Variants in ZNF675 observed in about 807,000 individuals in gnomAD.
ZNF675 encodes the protein zinc finger protein 675.
In ZNF675, 36 loss-of-function variants were observed where a neutral mutation model predicts 56.1. The ratio of observed to expected loss-of-function variants is 0.64; its 90% CI spans 0.49 to 0.85. ZNF675 has a LOEUF of 0.85. ZNF675 is among the 40% of genes least tolerant of loss of function. The pLI is 0.00. For missense variants in ZNF675, 663 were observed against 654.2 expected (o/e 1.01, Z -0.15); for synonymous variants, 200 against 218.9 (o/e 0.91, Z 0.76).
intron 1 of ZNF675, among the ~76,000 whole-genome samples, chr19:23,683,302 G>A (rs959497329): frequency 1.3e-5 from 2 of 151,654 alleles, no homozygotes; most frequent in Non-Finnish European, 2.9e-5. Flanking sequence ...CAAGATCATA[G>A]GATATAGAAC....
chr19:23,684,420 G>C (rs185952818), intron 1 of ZNF675, among the ~76,000 whole-genome samples: 2,744 of 152,140 alleles, frequency 0.018, 84 homozygotes, highest in African/African-American at 0.063. Flanking sequence ...CAAGAGGGGC[G>C]GATCACCTGA....
intron 3 of ZNF675, chr19:23,658,806 TAG>T (rs368515992): frequency 7.0e-6 from 1 of 142,836 alleles, no homozygotes; most frequent in Non-Finnish European, 1.5e-5. Flanking sequence ...TAGATATCTA[TAG>T]AGATATAGAT....
chr19:23,663,789 T>A (rs1224728761), intron 1 of ZNF675, among the ~76,000 whole-genome samples: 1 of 152,220 alleles, frequency 6.6e-6, no homozygotes, highest in African/African-American at 2.4e-5. Context: ...TTCTGTGTAA[T>A]AAATGCTATC....
chr19:23,658,900 T>TCTATAGATATAG (rs1568289191), intron 3 of ZNF675, among the ~76,000 whole-genome samples: 6,137 of 24,052 alleles, frequency 0.26, 762 homozygotes, highest in Middle Eastern at 0.61. Context: ...GATCTATAGA[T>TCTATAGATATAG]ATCTATAGAT....
At chr19:23,654,823 A>G in intron 3 of ZNF675, 117 bp from the exon 4 acceptor site, 2 of 766,660 alleles carry the variant, frequency 2.6e-6, no homozygotes, top group Non-Finnish European at 3.9e-6. Context: ...GCCATAATTA[A>G]GTGTATGTGT....
chr19:23,670,720 T>TA (rs1200582899), intron 1 of ZNF675, among the ~76,000 whole-genome samples: 1 of 152,146 alleles, frequency 6.6e-6, no homozygotes, highest in Non-Finnish European at 1.5e-5. Flanking sequence ...ATATAACTGA[T>TA]ACGCAACAAT....
chr19:23,658,962 TAG>T (rs1335011712), intron 3 of ZNF675, among the ~76,000 whole-genome samples: 29 of 616 alleles, frequency 0.047, no homozygotes, highest in Non-Finnish European at 0.12. Context: ...TAGAGATCTA[TAG>T]ATAGATATAG....
chr19:23,679,995 C>A (rs1354264689), intron 1 of ZNF675, among the ~76,000 whole-genome samples: 3 of 147,880 alleles, frequency 2.0e-5, no homozygotes, highest in Non-Finnish European at 4.5e-5. Context: ...CGTACCCCCC[C>A]CCAAAAAAAA....
chr19:23,685,121 C>T (rs1415556499), intron 1 of ZNF675, among the ~76,000 whole-genome samples: 2 of 152,102 alleles, frequency 1.3e-5, no homozygotes, highest in African/African-American at 4.8e-5. Context: ...GCCACCACCA[C>T]GCCCAGCTAA....
chr19:23,653,698 G>C lies in ZNF675; in HGVS notation c.1235C>G (p.Thr412Ser). 4 of 1,613,758 alleles carry C rather than the reference G, an allele frequency of 2.5e-6. No homozygotes were observed. The highest frequency in any genetic ancestry group is 3.4e-6 in the Non-Finnish European group (4 of 1,179,976). The change falls in exon 4 of 4, where the codon ACT becomes AGT. Residue 412 changes from threonine to serine, a missense_variant. Thr to Ser is a moderately conservative substitution (Grantham distance 58, BLOSUM62 1). This residue lies in a region of ZNF675 where 617 missense variants were observed against 590.5 expected (regional missense o/e 1.04). Coordinates refer to ENST00000359788, the MANE Select transcript of ZNF675 (RefSeq NM_138330.3). Reference protein sequence around the residue: ...GKAFKHSSALTTHKRIHTGEK... With the variant: ...GKAFKHSSALSTHKRIHTGEK... Reference sequence around the variant, plus strand: ...TCCAGTGTGAATTCTCTTATGTGTAGTAAGGGCTGAGGAGTGTTTAAAAGC... The same window carrying C: ...TCCAGTGTGAATTCTCTTATGTGTACTAAGGGCTGAGGAGTGTTTAAAAGC...
chr19:23,662,889 C>G (rs1968098366), intron 2 of ZNF675, 143 bp downstream of exon 2: 2 of 631,358 alleles, frequency 3.2e-6, no homozygotes, highest in Middle Eastern at 3.6e-4. Context: ...AAGGCTGAGG[C>G]ACGAGAATTG....
chr19:23,681,996 C>T lies in ZNF675; in HGVS notation c.3+5035G>A, dbSNP rs1001101124. ...AAAAATAGTTTTTCAAAAGAAATAC[C>T]CTCTTATTATGACTTAGATGGTGCT... On this transcript the variant is annotated intron_variant, in intron 1 of 3. Transcript: ENST00000359788. Among the ~76,000 whole-genome samples, 17 of 130,098 alleles carry T rather than the reference C, an allele frequency of 1.3e-4. 1 individual carries two copies. The highest frequency in any genetic ancestry group is 5.9e-4 in the Admixed American group (7 of 11,902). 85.3% of individuals were successfully genotyped at this position (130,098 alleles called of 152,430 possible).
intron 1 of ZNF675, among the ~76,000 whole-genome samples, chr19:23,672,632 T>G (rs1968241346): frequency 6.6e-6 from 1 of 152,234 alleles, no homozygotes; most frequent in African/African-American, 2.4e-5. Context: ...TCTGCATTCC[T>G]GTGTGTCACA....
At chr19:23,685,819 G>C (rs1161599309) in intron 1 of ZNF675, among the ~76,000 whole-genome samples, 1 of 152,142 alleles carries the variant, frequency 6.6e-6, no homozygotes, top group Non-Finnish European at 1.5e-5. Context: ...GTATTTTACT[G>C]CAAGTCATAG....
At chr19:23,671,417 T>G (rs1274626451) in intron 1 of ZNF675, among the ~76,000 whole-genome samples, 1 of 152,170 alleles carries the variant, frequency 6.6e-6, no homozygotes, top group African/African-American at 2.4e-5. Context: ...AAGGAAAATC[T>G]GAAGGGCCAT....
At chr19:23,658,971 A>C (rs1287996804) in intron 3 of ZNF675, among the ~76,000 whole-genome samples, 5 of 132,222 alleles carry the variant, frequency 3.8e-5, no homozygotes, top group Non-Finnish European at 6.5e-5. Flanking sequence ...ATAGATAGAT[A>C]TAGATCTAGA....
At chr19:23,676,443 C>CA (rs1267972648) in intron 1 of ZNF675, among the ~76,000 whole-genome samples, 2 of 151,470 alleles carry the variant, frequency 1.3e-5, no homozygotes, top group African/African-American at 2.4e-5. Context: ...TAAATATTAA[C>CA]AAAAAATCAT....
chr19:23,677,444 G>A (rs994419315), intron 1 of ZNF675, among the ~76,000 whole-genome samples: 3 of 151,648 alleles, frequency 2.0e-5, no homozygotes, highest in Non-Finnish European at 4.4e-5. Flanking sequence ...GGTGGCTCAC[G>A]CCTGTAATCC....
At chr19:23,662,995 A>T (rs760537210) in intron 2 of ZNF675, 37 bp downstream of exon 2, 1 of 860,244 alleles carries the variant, frequency 1.2e-6, no homozygotes, top group Non-Finnish European at 1.5e-6. Context: ...AAGAAAAACA[A>T]AAAAAAAAAG....
Sources: allele counts gnomAD v4.1 joint callset (sites outside exome capture counted in the v4.1 genomes callset), GRCh38; gene constraint gnomAD v4.1.1; regional missense constraint gnomAD v4.1.1; transcripts MANE v1.5; gene names NCBI Gene and HGNC (gene_info 2026-07-23, HGNC 2026-07-21).